The following SH3RF3 variants were observed in gnomAD, a reference collection of about 807,000 sequenced individuals.
SH3RF3 encodes the protein E3 ubiquitin-protein ligase SH3RF3.
In SH3RF3, 29 loss-of-function variants were observed where a neutral mutation model predicts 66.3. The observed-to-expected ratio is 0.44, with a 90% CI of 0.33 to 0.60. SH3RF3 has a LOEUF of 0.60. Among genes scored for constraint, SH3RF3 ranks in the 20% least tolerant of loss-of-function variants. The probability of loss-of-function intolerance (pLI) is 0.04; values close to 1 mark genes in which losing one functional copy is unlikely to be tolerated. For missense variants in SH3RF3, 1,194 were observed against 1,190.9 expected (o/e 1.00, Z -0.04); for synonymous variants, 583 against 532.0 (o/e 1.10, Z -1.32).
intron 1 of SH3RF3, among the ~76,000 whole-genome samples, chr2:109,145,900 G>A (rs914281536): frequency 1.3e-5 from 2 of 152,152 alleles, no homozygotes; most frequent in Non-Finnish European, 2.9e-5. Context: ...ATGGGTGTGC[G>A]TGGAGCCCTG....
In SH3RF3 at chr2:109,373,243, G is replaced by A. The variant is rs200934849; in HGVS notation, c.945+1562G>A. On this transcript the variant is annotated intron_variant, in intron 3 of 9. Transcript: ENST00000309415. Reference sequence around the variant, plus strand: ...CTTAAGACCAAAGAACTTAATGCGCGAATACCACTTACAATGTCGTCCAGA... The same window carrying A: ...CTTAAGACCAAAGAACTTAATGCGCAAATACCACTTACAATGTCGTCCAGA... Among the ~76,000 whole-genome samples, 3 of 152,314 alleles carry A rather than the reference G, an allele frequency of 2.0e-5. No homozygotes were observed. The South Asian group carries it at 6.2e-4, about 32-fold the overall frequency.
chr2:109,477,976 G>T (rs565518461), intron 8 of SH3RF3, among the ~76,000 whole-genome samples: 6 of 152,208 alleles, frequency 3.9e-5, no homozygotes, highest in African/African-American at 1.4e-4. Flanking sequence ...TTCCCGCAAG[G>T]GCCTCCTCCT....
intron 1 of SH3RF3, among the ~76,000 whole-genome samples, chr2:109,225,504 C>T (rs542559969): frequency 6.6e-6 from 1 of 152,376 alleles, no homozygotes; most frequent in African/African-American, 2.4e-5. Flanking sequence ...GCTGACCCAC[C>T]TGGCCCACTC....
rs76248424 is a variant in SH3RF3 at position 109,395,166 on chromosome 2, G to A, written c.946-3424G>A. ...TGGGACTCCGCAGGCAGGCCAGTGC[G>A]TGCGCTACTCGCATGCCTGTGTGAG... On this transcript the variant is annotated intron_variant, in intron 3 of 9. Transcript: ENST00000309415. 1.4e-4 allele frequency among the ~76,000 whole-genome samples: 21 copies of A among 152,370 alleles called. No individual in the cohort carries two copies. The East Asian group carries it at 2.5e-3, about 18-fold the overall frequency.
chr2:109,252,174 G>C (rs558500279), intron 1 of SH3RF3, among the ~76,000 whole-genome samples: 1 of 151,970 alleles, frequency 6.6e-6, no homozygotes, highest in Admixed American at 6.6e-5. Flanking sequence ...CTTAAGCCTG[G>C]GAGGCAGAGG....
chr2:109,258,965 G>A lies in SH3RF3; in HGVS notation c.574-88709G>A, dbSNP rs566228658. 2.0e-5 allele frequency among the ~76,000 whole-genome samples: 3 copies of A among 152,334 alleles called. No individual in the cohort carries two copies. In the East Asian group the frequency reaches 5.8e-4, roughly 29 times the overall value. On this transcript the variant is annotated intron_variant, in intron 1 of 9. Coordinates refer to ENST00000309415, the MANE Select transcript of SH3RF3 (RefSeq NM_001099289.3). ...TGCTTCCCCAGATTCTGCCCACGGGGCATCCGCATGCCCTCTCTAGCTGGG... is the reference window on the plus strand; with the variant it reads ...TGCTTCCCCAGATTCTGCCCACGGGACATCCGCATGCCCTCTCTAGCTGGG...
intron 1 of SH3RF3, among the ~76,000 whole-genome samples, chr2:109,172,459 A>G (rs758326335): frequency 5.3e-5 from 8 of 152,168 alleles, no homozygotes; most frequent in African/African-American, 1.9e-4. Flanking sequence ...TGAGATAGCA[A>G]ACTTTTATCC....
At chr2:109,326,926 G>A (rs1201879338) in intron 1 of SH3RF3, among the ~76,000 whole-genome samples, 3 of 152,306 alleles carry the variant, frequency 2.0e-5, no homozygotes, top group Middle Eastern at 3.4e-3. Flanking sequence ...TCTACCATTC[G>A]GTTCCAGTTC....
At chr2:109,417,287 CA>C (rs1676751161) in intron 4 of SH3RF3, among the ~76,000 whole-genome samples, 5 of 152,172 alleles carry the variant, frequency 3.3e-5, no homozygotes, top group Admixed American at 3.3e-4. Context: ...CCCCCACCTA[CA>C]CCTCCATGGA....
At chr2:109,333,053 A>G (rs1313721755) in intron 1 of SH3RF3, among the ~76,000 whole-genome samples, 1 of 152,226 alleles carries the variant, frequency 6.6e-6, no homozygotes, top group East Asian at 1.9e-4. Context: ...GTGAGTGCAG[A>G]GCTGCTCACT....
chr2:109,132,474 A>C (rs1676722096), intron 1 of SH3RF3, among the ~76,000 whole-genome samples: 2 of 152,198 alleles, frequency 1.3e-5, no homozygotes, highest in African/African-American at 4.8e-5. Flanking sequence ...TGGTTAGCAG[A>C]ACCTCTCAGC....
At chr2:109,169,936 G>C (rs1050628685) in intron 1 of SH3RF3, among the ~76,000 whole-genome samples, 1 of 152,104 alleles carries the variant, frequency 6.6e-6, no homozygotes, top group Non-Finnish European at 1.5e-5. Context: ...AAGTATATGA[G>C]TTTTAAATCT....
chr2:109,373,738 G>C (rs1402262010), intron 3 of SH3RF3, among the ~76,000 whole-genome samples: 1 of 152,150 alleles, frequency 6.6e-6, no homozygotes, highest in Non-Finnish European at 1.5e-5. Context: ...GCTGTAAAAT[G>C]GTGTCCAGTT....
At chr2:109,474,494 AG>A (rs2104739107) in intron 8 of SH3RF3, among the ~76,000 whole-genome samples, 2 of 152,310 alleles carry the variant, frequency 1.3e-5, no homozygotes, top group Admixed American at 1.3e-4. Flanking sequence ...CCCTGGGGAC[AG>A]GCGGCAGCAG....
intron 3 of SH3RF3, among the ~76,000 whole-genome samples, chr2:109,389,021 C>T (rs1675907297): frequency 6.6e-6 from 1 of 152,248 alleles, no homozygotes. Context: ...CCTCCAGCTA[C>T]ACCAGGAGCC....
chr2:109,432,663 C>G lies in SH3RF3; in HGVS notation c.1566C>G (p.Pro522=). 3.7e-6 allele frequency: 6 copies of G among 1,611,442 alleles called. No homozygotes were observed. The highest frequency in any genetic ancestry group is 1.3e-5 in the African/African-American group (1 of 75,044). ...SGVFPGNYVT[P]VSRVPAGGAG... is the part of the protein sequence containing the mutation. Reference sequence around the variant, plus strand: ...TGTTCCCCGGAAACTACGTGACACCCGTTTCCAGGTGAGGGCATGGTGGTG... The same window carrying G: ...TGTTCCCCGGAAACTACGTGACACCGGTTTCCAGGTGAGGGCATGGTGGTG... The change falls in exon 6 of 10, where the codon CCC becomes CCG. Residue 522 remains proline, a synonymous_variant. Transcript: ENST00000309415.
At chr2:109,230,503 C>T (rs990313682) in intron 1 of SH3RF3, among the ~76,000 whole-genome samples, 2 of 152,084 alleles carry the variant, frequency 1.3e-5, no homozygotes, top group African/African-American at 4.8e-5. Flanking sequence ...TTGCTTGAAC[C>T]TAGTAGGTAG....
At chr2:109,262,019 A>G (rs568576174) in intron 1 of SH3RF3, among the ~76,000 whole-genome samples, 29 of 152,214 alleles carry the variant, frequency 1.9e-4, no homozygotes, top group Non-Finnish European at 3.1e-4. Context: ...AAGAGTGGCT[A>G]GAGCAGGAGA....
intron 1 of SH3RF3, among the ~76,000 whole-genome samples, chr2:109,210,521 A>G (rs561823066): frequency 3.9e-4 from 60 of 152,320 alleles, no homozygotes; most frequent in African/African-American, 1.4e-3. Context: ...CACCAACCAG[A>G]CAATGAGATG....
Sources: allele counts gnomAD v4.1 joint callset (sites outside exome capture counted in the v4.1 genomes callset), GRCh38; gene constraint gnomAD v4.1.1; transcripts MANE v1.5; gene names NCBI Gene and HGNC (gene_info 2026-07-23, HGNC 2026-07-21).